The following MDH2 variants were observed in gnomAD, a reference collection of about 807,000 sequenced individuals.
MDH2 encodes the protein malate dehydrogenase 2.
Under a neutral mutation model 33.6 loss-of-function variants are expected in MDH2, and 25 were observed. The observed-to-expected ratio is 0.74, with a 90% CI of 0.54 to 1.04. MDH2 has a LOEUF of 1.04. Among genes scored for constraint, MDH2 ranks in the 50% least tolerant of loss-of-function variants. The probability of loss-of-function intolerance (pLI) is 0.00; values close to 1 mark genes in which losing one functional copy is unlikely to be tolerated. For synonymous variants in MDH2, 193 were observed against 188.7 expected (o/e 1.02, Z -0.19); for missense variants, 432 against 445.0 (o/e 0.97, Z 0.26).
chr7:76,064,924 A>G lies in MDH2; in HGVS notation c.856A>G (p.Thr286Ala). 6.2e-7 allele frequency: 1 copy of G among 1,614,106 alleles called. No homozygotes were observed. The highest frequency in any genetic ancestry group is 1.1e-5 in the South Asian group (1 of 91,080). The change falls in exon 8 of 9, where the codon ACC becomes GCC. Residue 286 changes from threonine (T) to alanine (A), a missense_variant. Transcript: ENST00000315758. Reference sequence around the variant, plus strand: ...CGTTAAGTCACAGGAAACGGAATGTACCTACTTCTCCACACCGCTGCTGCT... The same window carrying G: ...CGTTAAGTCACAGGAAACGGAATGTGCCTACTTCTCCACACCGCTGCTGCT... The part of the protein sequence containing the change: ...SFVKSQETEC[T>A]YFSTPLLLGK...
chr7:76,054,201 C>T (rs1173889881), intron 1 of MDH2, among the ~76,000 whole-genome samples: 1 of 152,062 alleles, frequency 6.6e-6, no homozygotes, highest in Non-Finnish European at 1.5e-5. Flanking sequence ...TCTGACTCAC[C>T]AGGAGGGTTG....
At chr7:76,055,301 G>A (rs540206545) in intron 2 of MDH2, among the ~76,000 whole-genome samples, 20 of 152,282 alleles carry the variant, frequency 1.3e-4, no homozygotes, top group Non-Finnish European at 2.4e-4. Context: ...TTTGGGGACA[G>A]TAAGGTGGTG....
At chr7:76,062,699 G>C (rs1554587181) in intron 5 of MDH2, among the ~76,000 whole-genome samples, 1 of 152,214 alleles carries the variant, frequency 6.6e-6, no homozygotes, top group Non-Finnish European at 1.5e-5. Context: ...AGGATGGCTT[G>C]AGCCCGGGAG....
intron 1 of MDH2, among the ~76,000 whole-genome samples, chr7:76,051,296 T>C (rs931006892): frequency 6.6e-6 from 1 of 151,038 alleles, no homozygotes; most frequent in East Asian, 2.0e-4. Context: ...GAGCCCATGG[T>C]GCAGTGGTCT....
chr7:76,061,810 G>C (rs1370424658), intron 5 of MDH2, among the ~76,000 whole-genome samples: 1 of 152,114 alleles, frequency 6.6e-6, no homozygotes, highest in Non-Finnish European at 1.5e-5. Flanking sequence ...ATTCTCGTGG[G>C]CTCTCAGGGC....
chr7:76,049,846 T>A (rs1446084144), intron 1 of MDH2, among the ~76,000 whole-genome samples: 2 of 152,170 alleles, frequency 1.3e-5, no homozygotes, highest in South Asian at 4.1e-4. Flanking sequence ...TTATTTACTT[T>A]TTTTGATGCA....
Position 76,067,319 on chromosome 7 carries a change from G to A in MDH2, c.*909G>A, listed in dbSNP as rs1461120343. ...GCAATGGCCTTCAGTGGAAGAGGGA[G>A]GGCTGGAGGTGTGCCCAGTACTTGG... On this transcript the variant is annotated 3_prime_UTR_variant, in exon 9 of 9. Transcript: ENST00000315758. The A allele has an allele frequency of 6.6e-6, 1 of 152,202 alleles. No individual in the cohort carries two copies. Among genetic ancestry groups the A allele is most frequent in the African/African-American group, 2.4e-5 (1 of 41,450 alleles). 9.4% of individuals were successfully genotyped at this position (152,202 alleles called of 1,614,324 possible). A position where few individuals can be genotyped will look rare whatever the true frequency, so the allele number is the denominator to read the frequency against.
intron 1 of MDH2, chr7:76,048,593 GTAGC>G: frequency 7.7e-7 from 1 of 1,302,402 alleles, no homozygotes; most frequent in Non-Finnish European, 9.7e-7. Flanking sequence ...TTGCTTTGAC[GTAGC>G]TAATCTCCTT....
At chr7:76,048,449 G>C (rs1461341614) in intron 1 of MDH2, 3 of 1,127,702 alleles carry the variant, frequency 2.7e-6, no homozygotes, top group South Asian at 1.9e-5. Flanking sequence ...CTCCAGGGCC[G>C]GTCCATTTGT....
rs1797728008 is a variant in MDH2 at position 76,055,016 on chromosome 7, C to T, written c.235+18C>T. ...TGTGAAAGGTACTGGGCGCGCTGAC[C>T]CTGGAGACTTGCTTCCTGTCCCCAG... is the stretch of plus-strand genomic sequence containing the variant. On this transcript the variant is annotated intron_variant, in intron 2 of 8. Transcript: ENST00000315758. 1.9e-6 allele frequency: 3 copies of T among 1,589,538 alleles called. No homozygotes were observed. The highest frequency in any genetic ancestry group is 1.1e-5 in the South Asian group (1 of 87,860).
chr7:76,048,271 C>A, intron 1 of MDH2, 45 bp downstream of exon 1: 3 of 1,521,182 alleles, frequency 2.0e-6, no homozygotes, highest in Non-Finnish European at 2.6e-6. Flanking sequence ...CCCCCCGGCC[C>A]GGGCCACGTG....
rs1798104555 is a variant in MDH2, at chr7:76,066,642, A to G, written c.*232A>G. 7.2e-6 allele frequency: 3 copies of G among 419,024 alleles called. No individual in the cohort carries two copies. The highest frequency in any genetic ancestry group is 4.3e-5 in the South Asian group (1 of 23,120). 26.0% of individuals were successfully genotyped at this position (419,024 alleles called of 1,614,324 possible). A position where few individuals can be genotyped will look rare whatever the true frequency, so the allele number is the denominator to read the frequency against. The stretch of plus-strand genomic sequence containing the variant: ...TGTGCTTTCTTCCCTGTGAGAGCCA[A>G]CTTTAGAGTGTCTGCTACCTCTTCA... On this transcript the variant is annotated 3_prime_UTR_variant, in exon 9 of 9. Coordinates refer to ENST00000315758, the MANE Select transcript of MDH2 (RefSeq NM_005918.4).
chr7:76,048,657 A>T, intron 1 of MDH2: 2 of 1,261,290 alleles, frequency 1.6e-6, no homozygotes, highest in Non-Finnish European at 2.0e-6. Context: ...TATACTTCCT[A>T]ATTCCATAGT....
intron 1 of MDH2, among the ~76,000 whole-genome samples, chr7:76,052,847 G>T (rs1313795725): frequency 6.6e-6 from 1 of 151,956 alleles, no homozygotes; most frequent in Admixed American, 6.6e-5. Context: ...CAGCCCAGAA[G>T]ATATTTTTTT....
rs34519552 is a variant in MDH2 at position 76,055,830 on chromosome 7, AT to A, written c.235+848del. Among the ~76,000 whole-genome samples, 145 of 141,916 alleles carry A rather than the reference AT, an allele frequency of 1.0e-3. 1 individual carries two copies. In the South Asian group the frequency reaches 0.015, roughly 14 times the overall value. The allele number at this position is 141,916 out of a possible 152,430, so 93.1% of individuals were successfully genotyped here. A position where few individuals can be genotyped will look rare whatever the true frequency, so the allele number is the denominator to read the frequency against. ...TATCAACATTTTTGCATGTCACCAA[AT>A]TTTTTTTTTTTTTTTGAGACCATGT... On this transcript the variant is annotated intron_variant, in intron 2 of 8. Coordinates refer to ENST00000315758, the MANE Select transcript of MDH2 (RefSeq NM_005918.4).
chr7:76,065,649 G>A (rs770359140), intron 8 of MDH2, among the ~76,000 whole-genome samples: 3 of 152,182 alleles, frequency 2.0e-5, no homozygotes, highest in Admixed American at 2.0e-4. Context: ...CAGGTGAGAC[G>A]CACCCGGTTC....
Position 76,058,897 on chromosome 7 carries a change from CCT to C in MDH2, c.429+820_429+821del, listed in dbSNP as rs561224852. Among the ~76,000 whole-genome samples, 11 of 152,326 alleles carry C rather than the reference CCT, an allele frequency of 7.2e-5. No homozygotes were observed. The South Asian group carries it at 2.1e-3, about 29-fold the overall frequency. On this transcript the variant is annotated intron_variant, in intron 4 of 8. Coordinates refer to ENST00000315758, the MANE Select transcript of MDH2 (RefSeq NM_005918.4). ...GGGTATGCTGGGCAAAGGGTTGACC[CCT>C]GTCCTGGGCGGGATGGAGCCAGAGT...
chr7:76,049,821 A>C (rs1797554613), intron 1 of MDH2, among the ~76,000 whole-genome samples: 1 of 152,066 alleles, frequency 6.6e-6, no homozygotes, highest in African/African-American at 2.4e-5. Flanking sequence ...TGTGTTAGGG[A>C]AGAGGGTACC....
chr7:76,063,486 C>T (rs189108735), intron 5 of MDH2, 29 bp from the exon 6 acceptor site: 20 of 1,606,570 alleles, frequency 1.2e-5, no homozygotes, highest in Non-Finnish European at 1.5e-5. Context: ...AGCTTGTTAA[C>T]TCATCCAGCT....
Sources: allele counts gnomAD v4.1 joint callset (sites outside exome capture counted in the v4.1 genomes callset), GRCh38; gene constraint gnomAD v4.1.1; transcripts MANE v1.5; gene names NCBI Gene and HGNC (gene_info 2026-07-23, HGNC 2026-07-21).